Variants in MLLT10 observed in about 807,000 individuals in gnomAD.
MLLT10 encodes MLLT10 histone lysine methyltransferase DOT1L cofactor, also known as protein AF-10.
MLLT10 carries 30 observed loss-of-function variants against 129.1 expected under a neutral mutation model. That is an observed-to-expected ratio of 0.23 (90% CI 0.17 to 0.32). MLLT10 has a LOEUF of 0.32. MLLT10 is among the 10% of genes least tolerant of loss of function. MLLT10 has a pLI of 1.00. For missense variants in MLLT10, 1,119 were observed against 1,268.3 expected, an observed-to-expected ratio of 0.88 and a Z score of 1.79; for synonymous variants, 490 against 446.4, an observed-to-expected ratio of 1.10 and a Z score of -1.23.
intron 14 of MLLT10, among the ~76,000 whole-genome samples, chr10:21,715,937 A>G (rs907708692): frequency 9.2e-5 from 14 of 152,226 alleles, no homozygotes; most frequent in African/African-American, 3.4e-4. Flanking sequence ...GTTTCTGTTC[A>G]GCAGTAAATG....
intron 3 of MLLT10, among the ~76,000 whole-genome samples, chr10:21,563,465 G>A: frequency 6.6e-6 from 1 of 152,076 alleles, no homozygotes; most frequent in East Asian, 1.9e-4. Context: ...AGAGGTTGCA[G>A]TGAGCTGAGA....
chr10:21,707,695 C>T (rs116821175), intron 13 of MLLT10, among the ~76,000 whole-genome samples: 2,621 of 152,274 alleles, frequency 0.017, 81 homozygotes, highest in African/African-American at 0.059. Flanking sequence ...GTGAGTCATA[C>T]TATTTGCCTT....
upstream of MLLT10, chr10:21,534,193 C>T: frequency 2.5e-6 from 1 of 392,828 alleles, no homozygotes; most frequent in Admixed American, 4.4e-5. Flanking sequence ...GGGCTAGCCT[C>T]GCCCAGGCCT....
chr10:21,731,039 G>C lies in MLLT10; in HGVS notation c.2203G>C (p.Gly735Arg), dbSNP rs1241868561. 6.2e-7 allele frequency: 1 copy of C among 1,612,584 alleles called. No homozygotes were observed. The highest frequency in any genetic ancestry group is 8.5e-7 in the Non-Finnish European group (1 of 1,179,438). The change falls in exon 17 of 23, where the codon GGT becomes CGT. Residue 735 changes from glycine (G) to arginine (R), a missense_variant. Physicochemically the swap from Gly to Arg is moderately radical, Grantham distance 125. Around this residue, in one of 5 missense-constraint regions of MLLT10, gnomAD observed 1,004 missense variants for 1,008.7 expected, o/e 1.00. Transcript: ENST00000307729. ...SEGQQFLLEQGTPSDILGMLK... is the reference protein window; with the variant it reads ...SEGQQFLLEQRTPSDILGMLK... The stretch of plus-strand genomic sequence containing the variant: ...AGGACAGCAATTTTTACTAGAACAG[G>C]GTACTCCTAGTGACAGTAAGTATTC...
chr10:21,716,896 T>C (rs2131526547), intron 14 of MLLT10, among the ~76,000 whole-genome samples: 1 of 152,210 alleles, frequency 6.6e-6, no homozygotes, highest in South Asian at 2.1e-4. Flanking sequence ...CCAGAGGTCA[T>C]TTTTGCTTTT....
chr10:21,694,638 C>G (rs781655021), intron 13 of MLLT10, among the ~76,000 whole-genome samples: 1 of 152,200 alleles, frequency 6.6e-6, no homozygotes, highest in Non-Finnish European at 1.5e-5. Context: ...TGAGCTGGCT[C>G]TCTGTTCTGT....
intron 13 of MLLT10, among the ~76,000 whole-genome samples, chr10:21,712,005 C>A (rs1045018538): frequency 1.3e-5 from 2 of 152,122 alleles, no homozygotes; most frequent in Non-Finnish European, 2.9e-5. Flanking sequence ...TAATGCCTGG[C>A]AAATAATGAG....
chr10:21,707,187 T>G (rs1034219104), intron 13 of MLLT10, among the ~76,000 whole-genome samples: 18 of 149,160 alleles, frequency 1.2e-4, no homozygotes, highest in African/African-American at 4.5e-4. Flanking sequence ...CAAGTTTAGA[T>G]GATTTTTTTT....
Position 21,584,832 on chromosome 10 carries a change from A to G in MLLT10, c.241-1462A>G, listed in dbSNP as rs567089774. 3.0e-3 allele frequency among the ~76,000 whole-genome samples: 458 copies of G among 151,782 alleles called. 4 individuals carry two copies. The highest frequency in any genetic ancestry group is 0.011 in the African/African-American group (442 of 41,370). On this transcript the variant is annotated intron_variant, in intron 3 of 22. Transcript: ENST00000307729. ...TTTATATACACATACATATGTATGT[A>G]TACATACACACATATATATACGTAT...
chr10:21,689,832 G>A (rs1025696476), intron 13 of MLLT10, among the ~76,000 whole-genome samples: 91 of 151,406 alleles, frequency 6.0e-4, no homozygotes, highest in African/African-American at 2.2e-3. Context: ...GTAAAAAGAT[G>A]GAAAAGAGCT....
At chr10:21,618,687 G>GC (rs1409826143) in intron 8 of MLLT10, among the ~76,000 whole-genome samples, 1 of 151,932 alleles carries the variant, frequency 6.6e-6, no homozygotes, top group African/African-American at 2.4e-5. Flanking sequence ...AGGCTGGAGT[G>GC]CAGTGGTGTG....
In MLLT10 at chr10:21,612,214, C is replaced by A. The variant is rs567767198; in HGVS notation, c.406-134C>A. 25 of 531,162 alleles carry A rather than the reference C, an allele frequency of 4.7e-5. 1 individual carries two copies. In the Admixed American group the frequency reaches 6.2e-4, roughly 13 times the overall value. The allele number at this position is 531,162 out of a possible 1,614,324, so 32.9% of individuals were successfully genotyped here. On this transcript the variant is annotated intron_variant, in intron 5 of 22. Transcript: ENST00000307729. ...TTGTATGCAAAAATTAGATTATTGT[C>A]CAAAATGAATTCATATTTTGAGTTA...
At chr10:21,593,582 G>T (rs2042712562) in intron 4 of MLLT10, among the ~76,000 whole-genome samples, 2 of 151,672 alleles carry the variant, frequency 1.3e-5, no homozygotes, top group African/African-American at 2.4e-5. Context: ...CATTCATATT[G>T]TCTTGTCTGT....
chr10:21,571,235 A>G (rs1189453581), intron 3 of MLLT10, among the ~76,000 whole-genome samples: 1 of 152,176 alleles, frequency 6.6e-6, no homozygotes. Context: ...TCATCTTGCC[A>G]TTGGATAGCT....
At chr10:21,587,384 A>G (rs1253882799) in intron 4 of MLLT10, among the ~76,000 whole-genome samples, 2 of 148,406 alleles carry the variant, frequency 1.3e-5, no homozygotes, top group Non-Finnish European at 3.0e-5. Context: ...ACATCACTGT[A>G]CTTCAGTCCC....
At chr10:21,576,758 G>A (rs536982914) in intron 3 of MLLT10, among the ~76,000 whole-genome samples, 32 of 151,956 alleles carry the variant, frequency 2.1e-4, no homozygotes, top group Non-Finnish European at 1.5e-5. Context: ...AGCCTCACGA[G>A]TAGCTAGGAT....
chr10:21,701,251 T>C (rs375956712), intron 13 of MLLT10, among the ~76,000 whole-genome samples: 1 of 151,896 alleles, frequency 6.6e-6, no homozygotes, highest in African/African-American at 2.4e-5. Flanking sequence ...CAATTTTGTT[T>C]ACCTTTTGAA....
At chr10:21,675,926 G>A (rs67501153) in intron 11 of MLLT10, among the ~76,000 whole-genome samples, 5,347 of 152,232 alleles carry the variant, frequency 0.035, 153 homozygotes, top group African/African-American at 0.075. Context: ...GATGTTAGGT[G>A]TGAGGAATAG....
Position 21,742,942 on chromosome 10 carries a change from AT to A in MLLT10, c.*962del, listed in dbSNP as rs1833858852. On this transcript the variant is annotated 3_prime_UTR_variant, in exon 23 of 23. Coordinates refer to ENST00000307729, the MANE Select transcript of MLLT10 (RefSeq NM_001195626.3). ...GCTCAGGCAAAACTATTACCTGGGT[AT>A]TTATCCACTAATGAGTCACAAGAAA... 2 of 228,994 alleles carry A rather than the reference AT, an allele frequency of 8.7e-6. No individual in the cohort carries two copies. Among genetic ancestry groups the A allele is most frequent in the Non-Finnish European group, 1.7e-5 (2 of 115,416 alleles). 14.2% of individuals were successfully genotyped at this position (228,994 alleles called of 1,614,324 possible).
Sources: gnomAD v4.1 joint callset for allele counts (sites outside exome capture counted in the v4.1 genomes callset) on GRCh38, gnomAD v4.1.1 for gene constraint, gnomAD v4.1.1 regional missense constraint, MANE v1.5 for transcripts, NCBI Gene and HGNC (gene_info 2026-07-23, HGNC 2026-07-21) for gene names.